The following SLC24A2 variants were observed in gnomAD, a reference collection of about 807,000 sequenced individuals.
SLC24A2 encodes the protein solute carrier family 24 member 2, also known as sodium/potassium/calcium exchanger 2.
Under a neutral mutation model 62.0 loss-of-function variants are expected in SLC24A2, and 36 were observed. That is an observed-to-expected ratio of 0.58 (90% CI 0.44 to 0.77). The LOEUF is 0.77. Ranked by LOEUF, SLC24A2 falls within the 30% of genes least tolerant of loss-of-function variation. The probability of loss-of-function intolerance (pLI) is 0.00; values close to 1 mark genes in which losing one functional copy is unlikely to be tolerated. For missense variants in SLC24A2, 846 were observed against 817.9 expected, an observed-to-expected ratio of 1.03 and a Z score of -0.42; for synonymous variants, 358 against 294.0, an observed-to-expected ratio of 1.22 and a Z score of -2.23.
the SLC24A2 span, among the ~76,000 whole-genome samples, chr9:20,103,994 A>C: frequency 6.6e-6 from 1 of 152,192 alleles, no homozygotes; most frequent in African/African-American, 2.4e-5. Context: ...CAAAACAGAG[A>C]AGTGCTTAAA....
chr9:19,769,041 T>C (rs181273080), intron 2 of SLC24A2, among the ~76,000 whole-genome samples: 14 of 152,320 alleles, frequency 9.2e-5, no homozygotes, highest in Non-Finnish European at 1.5e-4. Context: ...TCCAGACTCA[T>C]ACCCAACTTC....
chr9:19,747,612 T>G (rs1001944951), intron 2 of SLC24A2, among the ~76,000 whole-genome samples: 3 of 152,234 alleles, frequency 2.0e-5, no homozygotes, highest in Non-Finnish European at 4.4e-5. Flanking sequence ...TTCAAGAGAT[T>G]AGCCAAAGGA....
intron 2 of SLC24A2, among the ~76,000 whole-genome samples, chr9:19,759,726 C>A (rs1236766139): frequency 1.3e-5 from 2 of 152,106 alleles, no homozygotes; most frequent in Admixed American, 1.3e-4. Flanking sequence ...ATTAGGGATT[C>A]ATGTGTGAAT....
At chr9:19,796,863 T>C in the SLC24A2 span, among the ~76,000 whole-genome samples, 127,245 of 152,122 alleles carry the variant, frequency 0.84, 53,872 homozygotes, top group Non-Finnish European at 0.91. Context: ...TTCTCATTCA[T>C]TATTCTCTGC....
At chr9:19,693,525 C>T (rs1820100898) in intron 2 of SLC24A2, among the ~76,000 whole-genome samples, 1 of 152,012 alleles carries the variant, frequency 6.6e-6, no homozygotes, top group South Asian at 2.1e-4. Context: ...AAAGCATTGC[C>T]TTTATATACC....
chr9:19,727,112 G>C (rs1353814934), intron 2 of SLC24A2, among the ~76,000 whole-genome samples: 1 of 152,126 alleles, frequency 6.6e-6, no homozygotes, highest in Non-Finnish European at 1.5e-5. Context: ...GGAAAGAAAA[G>C]AAAGCAGTTC....
At chr9:19,895,867 A>G in the SLC24A2 span, 1 of 1,612,190 alleles carries the variant, frequency 6.2e-7, no homozygotes. Context: ...GAAGGGGTGC[A>G]GCAGGGCCTC....
At chr9:20,112,864 C>G in the SLC24A2 span, among the ~76,000 whole-genome samples, 1 of 151,772 alleles carries the variant, frequency 6.6e-6, no homozygotes, top group Non-Finnish European at 1.5e-5. Context: ...TTTCTTTTAT[C>G]TAGTTGGTAG....
chr9:19,870,740 A>G, the SLC24A2 span, among the ~76,000 whole-genome samples: 1 of 152,138 alleles, frequency 6.6e-6, no homozygotes, highest in Non-Finnish European at 1.5e-5. Flanking sequence ...TTTCATTAAT[A>G]TTTACATCAT....
intron 3 of SLC24A2, 97 bp downstream of exon 3, chr9:19,622,164 G>A: frequency 1.1e-6 from 1 of 933,966 alleles, no homozygotes; most frequent in Non-Finnish European, 1.8e-6. Flanking sequence ...AAGGGAGAGA[G>A]TAATGTGTTG....
intron 2 of SLC24A2, among the ~76,000 whole-genome samples, chr9:19,776,197 T>C (rs1174000725): frequency 6.6e-6 from 1 of 152,140 alleles, no homozygotes; most frequent in Non-Finnish European, 1.5e-5. Flanking sequence ...GAAAAGTGAA[T>C]CTAATTTGGA....
chr9:19,737,638 AAC>A (rs1193764632), intron 2 of SLC24A2, among the ~76,000 whole-genome samples: 1 of 152,052 alleles, frequency 6.6e-6, no homozygotes, highest in East Asian at 1.9e-4. Flanking sequence ...AAAAATAAGA[AAC>A]ATCTAGAATA....
chr9:19,713,272 A>G (rs1820766180), intron 2 of SLC24A2, among the ~76,000 whole-genome samples: 1 of 152,100 alleles, frequency 6.6e-6, no homozygotes, highest in Admixed American at 6.6e-5. Flanking sequence ...CAAAAGAGAG[A>G]CAGGAAGTTT....
the SLC24A2 span, among the ~76,000 whole-genome samples, chr9:20,255,967 G>C: frequency 1.3e-4 from 20 of 152,260 alleles, 1 homozygote; most frequent in East Asian, 3.9e-3. Context: ...CACAGTTCTG[G>C]AGGCTGGAAA....
the SLC24A2 span, among the ~76,000 whole-genome samples, chr9:20,129,805 G>A: frequency 2.0e-5 from 3 of 152,042 alleles, no homozygotes; most frequent in East Asian, 5.8e-4. Context: ...ACTGCTTGAA[G>A]AGTGAAAGGC....
intron 2 of SLC24A2, among the ~76,000 whole-genome samples, chr9:19,644,005 T>G (rs1389003698): frequency 6.6e-6 from 1 of 152,244 alleles, no homozygotes; most frequent in African/African-American, 2.4e-5. Flanking sequence ...AATTGGGCAC[T>G]TGAGTCATTG....
chr9:20,228,574 T>C, the SLC24A2 span, among the ~76,000 whole-genome samples: 1 of 151,828 alleles, frequency 6.6e-6, no homozygotes. Context: ...GTAGGGTGGG[T>C]GCATTGGAGT....
the SLC24A2 span, among the ~76,000 whole-genome samples, chr9:20,147,821 G>C: frequency 1.3e-5 from 2 of 151,968 alleles, no homozygotes; most frequent in Non-Finnish European, 2.9e-5. Context: ...CTCTTCCAAG[G>C]CTTGACTTCC....
the SLC24A2 span, among the ~76,000 whole-genome samples, chr9:20,148,580 G>A: frequency 1.3e-5 from 2 of 152,080 alleles, no homozygotes; most frequent in Non-Finnish European, 2.9e-5. Flanking sequence ...CAAATAAATG[G>A]AATCTATATA....
Sources: gnomAD v4.1 joint callset for allele counts (sites outside exome capture counted in the v4.1 genomes callset) on GRCh38, gnomAD v4.1.1 for gene constraint, MANE v1.5 for transcripts, NCBI Gene and HGNC (gene_info 2026-07-23, HGNC 2026-07-21) for gene names.